DMD: variants seen among roughly 807,000 people sequenced by gnomAD.
The protein encoded by DMD is mutant dystrophin.
Under a neutral mutation model 330.1 loss-of-function variants are expected in DMD, and 63 were observed. The ratio of observed to expected loss-of-function variants is 0.19; its 90% confidence interval spans 0.16 to 0.24. DMD has a LOEUF of 0.24. DMD is among the 10% of genes least tolerant of loss of function. The pLI is 1.00. For missense variants in DMD, 3,344 were observed against 2,684.1 expected, an observed-to-expected ratio of 1.25 and a Z score of -5.43; for synonymous variants, 1,223 against 959.8, an observed-to-expected ratio of 1.27 and a Z score of -5.07.
At chrX:31,997,151 C>T (rs1331313878) in intron 44 of DMD, among the ~76,000 whole-genome samples, 2 of 111,676 alleles carry the variant, frequency 1.8e-5, no homozygotes, top group Admixed American at 9.5e-5. Flanking sequence ...AATCCACAAG[C>T]CACTCTGTAT....
intron 9 of DMD, among the ~76,000 whole-genome samples, chrX:32,683,869 C>CAA (rs1403111137): frequency 9.1e-6 from 1 of 109,502 alleles, no homozygotes; most frequent in African/African-American, 3.3e-5. Flanking sequence ...CTCAATATTT[C>CAA]AAGGGCCACT....
At chrX:32,600,382 G>A (rs1028341808) in intron 12 of DMD, among the ~76,000 whole-genome samples, 5 of 111,497 alleles carry the variant, frequency 4.5e-5, no homozygotes, top group Admixed American at 9.6e-5. Flanking sequence ...ACAAAAACAA[G>A]GATGGGTATC....
rs1271469918 is a variant in DMD, at chrX:31,126,618, G to T, written c.11046+24C>A. The T allele has an allele frequency of 3.4e-6, 4 of 1,188,676 alleles. No individual in the cohort carries two copies. The Admixed American group carries it at 6.5e-5, about 19-fold the overall frequency. On this transcript the variant is annotated intron_variant, in intron 78 of 78. Transcript: ENST00000357033. ...CAGGATGAGACAGACAGAAGCCATG[G>T]CCGTGAGCCTGAATCTCACTAACCT...
chrX:32,524,751 A>G (rs188294883), intron 17 of DMD, among the ~76,000 whole-genome samples: 59 of 112,466 alleles, frequency 5.2e-4, no homozygotes, highest in African/African-American at 1.8e-3. Flanking sequence ...AATTCTACAG[A>G]AAGGTCTTTC....
At chrX:33,123,725 G>GTTT (rs780028344) in intron 1 of DMD, among the ~76,000 whole-genome samples, 5 of 85,852 alleles carry the variant, frequency 5.8e-5, no homozygotes, top group Admixed American at 1.3e-4. Flanking sequence ...GTTCAAATGA[G>GTTT]TTTTTTTTTT....
intron 16 of DMD, among the ~76,000 whole-genome samples, chrX:32,559,360 T>C (rs1472539750): frequency 8.9e-6 from 1 of 111,777 alleles, no homozygotes; most frequent in Non-Finnish European, 1.9e-5. Context: ...AAACACAAAA[T>C]AAGTAAGGTA....
intron 7 of DMD, among the ~76,000 whole-genome samples, chrX:32,731,003 G>A (rs986665416): frequency 1.8e-5 from 2 of 111,713 alleles, no homozygotes; most frequent in Non-Finnish European, 3.8e-5. Flanking sequence ...GAGGTACCAG[G>A]TTCATCTCAC....
intron 1 of DMD, among the ~76,000 whole-genome samples, chrX:33,299,438 C>T (rs1462772299): frequency 9.0e-6 from 1 of 111,415 alleles, no homozygotes; most frequent in Non-Finnish European, 1.9e-5. Context: ...CCCTTCTTAG[C>T]TTCTATTTGA....
Position 31,197,938 on chromosome X carries a change from C to T in DMD, c.9807+6023G>A, listed in dbSNP as rs147279101. Among the ~76,000 whole-genome samples the T allele has an allele frequency of 2.1e-3, 221 of 104,401 alleles. 1 individual carries two copies. Among genetic ancestry groups the T allele is most frequent in the African/African-American group, 7.3e-3 (209 of 28,532 alleles). 90.7% of individuals were successfully genotyped at this position (104,401 alleles called of 115,157 possible). ...AATGAAATCCCATTATTTGCAGCAA[C>T]ATGTACGGAACCGGAAGACGTTATG... On this transcript the variant is annotated intron_variant, in intron 67 of 78. Coordinates refer to ENST00000357033, the MANE Select transcript of DMD (RefSeq NM_004006.3).
chrX:31,306,555 C>T (rs2055050854), intron 62 of DMD, among the ~76,000 whole-genome samples: 1 of 111,871 alleles, frequency 8.9e-6, no homozygotes, highest in Admixed American at 9.5e-5. Flanking sequence ...TTCACTATAG[C>T]CAACACTATT....
At chrX:31,863,105 AGGCC>A (rs1190765217) in intron 48 of DMD, among the ~76,000 whole-genome samples, 12 of 112,795 alleles carry the variant, frequency 1.1e-4, no homozygotes, top group Non-Finnish European at 2.3e-4. Flanking sequence ...GCACTCTGGG[AGGCC>A]GAGGCGGGCA....
chrX:33,303,544 C>A (rs2053700661), intron 1 of DMD, among the ~76,000 whole-genome samples: 1 of 111,048 alleles, frequency 9.0e-6, no homozygotes, highest in Non-Finnish European at 1.9e-5. Flanking sequence ...GTGTCCCCAC[C>A]CAAATTTCAT....
At chrX:32,417,685 C>G (rs1023397903) in intron 29 of DMD, among the ~76,000 whole-genome samples, 1 of 110,963 alleles carries the variant, frequency 9.0e-6, no homozygotes, top group Non-Finnish European at 1.9e-5. Context: ...AAGAGTACCT[C>G]AGGATCAAGA....
In DMD at chrX:32,580,502, G is replaced by A. The variant is rs955188213; in HGVS notation, c.1603-6656C>T. On this transcript the variant is annotated intron_variant, in intron 13 of 78. Coordinates refer to ENST00000357033, the MANE Select transcript of DMD (RefSeq NM_004006.3). ...CCAGTGAAATAGAGATAATAGTACA[G>A]ACTCTCCTAGACAGGTAACTGCTAG... 9.0e-4 allele frequency among the ~76,000 whole-genome samples: 101 copies of A among 111,806 alleles called. 1 individual carries two copies. The highest frequency in any genetic ancestry group is 3.2e-3 in the African/African-American group (97 of 30,791).
chrX:32,857,630 C>A (rs2081688459), intron 2 of DMD, among the ~76,000 whole-genome samples: 1 of 111,289 alleles, frequency 9.0e-6, no homozygotes, highest in African/African-American at 3.3e-5. Flanking sequence ...AGAAAAAATC[C>A]AGGGTAGAAA....
At chrX:33,288,926 G>C (rs1170243408) in intron 1 of DMD, among the ~76,000 whole-genome samples, 1 of 110,998 alleles carries the variant, frequency 9.0e-6, no homozygotes, top group Non-Finnish European at 1.9e-5. Flanking sequence ...AGTTACTATA[G>C]ACACAAGCAA....
chrX:31,919,385 A>C (rs2094656223), intron 47 of DMD, among the ~76,000 whole-genome samples: 1 of 112,643 alleles, frequency 8.9e-6, no homozygotes, highest in Non-Finnish European at 1.9e-5. Flanking sequence ...AGAATGTGTC[A>C]CTTTCACAAA....
intron 55 of DMD, among the ~76,000 whole-genome samples, chrX:31,537,975 A>G (rs765074958): frequency 1.8e-5 from 2 of 112,464 alleles, no homozygotes; most frequent in African/African-American, 3.2e-5. Context: ...ATTTTCAACA[A>G]TATCTTGACA....
chrX:31,927,439 T>C (rs1159766813), intron 47 of DMD, among the ~76,000 whole-genome samples: 1 of 112,235 alleles, frequency 8.9e-6, no homozygotes, highest in Non-Finnish European at 1.9e-5. Flanking sequence ...TTTGTTCTTC[T>C]TTTTGTCATA....
Sources: gnomAD v4.1 joint callset for allele counts (sites outside exome capture counted in the v4.1 genomes callset) on GRCh38, gnomAD v4.1.1 for gene constraint, MANE v1.5 for transcripts, NCBI Gene and HGNC (gene_info 2026-07-23, HGNC 2026-07-21) for gene names.